The following BNC2 variants were observed in gnomAD, a reference collection of about 807,000 sequenced individuals.
BNC2 encodes the protein zinc finger protein basonuclin-2.
Under a neutral mutation model 76.3 loss-of-function variants are expected in BNC2, and 20 were observed. That is an observed-to-expected ratio of 0.26 (90% CI 0.18 to 0.38). The LOEUF (loss-of-function observed/expected upper bound fraction) is 0.38, where lower values mean the gene tolerates loss of function less well. Among genes scored for constraint, BNC2 ranks in the 10% least tolerant of loss-of-function variants. BNC2 has a pLI of 1.00. For missense variants in BNC2, 1,382 were observed against 1,399.8 expected, an observed-to-expected ratio of 0.99 and a Z score of 0.20; for synonymous variants, 582 against 514.8, an observed-to-expected ratio of 1.13 and a Z score of -1.77.
chr9:16,642,829 T>TAC (rs1821525728), intron 3 of BNC2, among the ~76,000 whole-genome samples: 2 of 152,188 alleles, frequency 1.3e-5, no homozygotes, highest in Non-Finnish European at 2.9e-5. Context: ...TAGGAGAAGG[T>TAC]ACAGTTAAGT....
At chr9:16,864,510 T>C (rs1819491847) in intron 1 of BNC2, among the ~76,000 whole-genome samples, 1 of 152,212 alleles carries the variant, frequency 6.6e-6, no homozygotes, top group South Asian at 2.1e-4. Flanking sequence ...AGGCAAATCT[T>C]GGCAACCCTC....
At chr9:16,486,788 G>A (rs1822172846) in intron 5 of BNC2, among the ~76,000 whole-genome samples, 1 of 151,980 alleles carries the variant, frequency 6.6e-6, no homozygotes, top group African/African-American at 2.4e-5. Flanking sequence ...TGCAGTGGTG[G>A]GATCACAGCT....
intron 3 of BNC2, among the ~76,000 whole-genome samples, chr9:16,658,702 T>C (rs868200791): frequency 6.6e-6 from 1 of 152,178 alleles, no homozygotes; most frequent in Non-Finnish European, 1.5e-5. Context: ...TTGGTCTGTC[T>C]CTTAAGGAAA....
chr9:16,499,075 T>G (rs987142062), intron 5 of BNC2, among the ~76,000 whole-genome samples: 6 of 152,190 alleles, frequency 3.9e-5, no homozygotes, highest in Admixed American at 1.3e-4. Context: ...CACAATGTAA[T>G]CAAATTCCCA....
intron 4 of BNC2, among the ~76,000 whole-genome samples, chr9:16,562,750 A>T (rs571213361): frequency 6.6e-6 from 1 of 152,302 alleles, no homozygotes; most frequent in South Asian, 2.1e-4. Flanking sequence ...ACTCTTACCT[A>T]ATTTTTTCCT....
intron 1 of BNC2, among the ~76,000 whole-genome samples, chr9:16,820,543 G>A (rs1331893299): frequency 6.6e-6 from 1 of 152,148 alleles, no homozygotes; most frequent in African/African-American, 2.4e-5. Flanking sequence ...CCACAACCAG[G>A]CTTAAATAAC....
intron 3 of BNC2, among the ~76,000 whole-genome samples, chr9:16,697,410 A>G (rs771039349): frequency 5.1e-4 from 77 of 151,182 alleles, no homozygotes; most frequent in Admixed American, 4.6e-4. Context: ...CAAGTTGTCA[A>G]CATATGCTGA....
chr9:16,522,262 T>C (rs1459814544), intron 5 of BNC2, among the ~76,000 whole-genome samples: 3 of 152,196 alleles, frequency 2.0e-5, no homozygotes, highest in African/African-American at 7.2e-5. Flanking sequence ...AAGCATAATG[T>C]TCTACAAGGA....
intron 3 of BNC2, among the ~76,000 whole-genome samples, chr9:16,687,318 C>T (rs183692729): frequency 2.6e-5 from 4 of 152,026 alleles, no homozygotes; most frequent in Admixed American, 1.3e-4. Flanking sequence ...AGGCGCTAAC[C>T]GAAATCAAGA....
chr9:16,446,017 A>T (rs1388819255), intron 5 of BNC2, among the ~76,000 whole-genome samples: 1 of 152,212 alleles, frequency 6.6e-6, no homozygotes, highest in Non-Finnish European at 1.5e-5. Context: ...TCCCATCAAG[A>T]TAAATAACTT....
chr9:16,504,707 C>A (rs933588751), intron 5 of BNC2, among the ~76,000 whole-genome samples: 5 of 152,160 alleles, frequency 3.3e-5, no homozygotes, highest in African/African-American at 1.2e-4. Context: ...ACCAGCCAGG[C>A]ACAGTAGGAC....
chr9:16,687,311 C>T (rs1043035716), intron 3 of BNC2, among the ~76,000 whole-genome samples: 1 of 151,988 alleles, frequency 6.6e-6, no homozygotes, highest in East Asian at 1.9e-4. Context: ...AGGAAAAAGG[C>T]GCTAACCGAA....
At position 16,852,604 on chromosome 9, in the gene BNC2, T is replaced by C. The variant is rs1422967628; in HGVS notation, c.3+18042A>G. On this transcript the variant is annotated intron_variant, in intron 1 of 6. Transcript: ENST00000380672. ...ATGGGGCTTCATGGTGGTGGGAAGA[T>C]AAACTACATGTAAATAAAAAAATTA... Among the ~76,000 whole-genome samples, 8 of 152,220 alleles carry C rather than the reference T, an allele frequency of 5.3e-5. No homozygotes were observed. In the East Asian group the frequency reaches 1.5e-3, roughly 29 times the overall value.
chr9:16,665,427 AG>A (rs1822250043), intron 3 of BNC2, among the ~76,000 whole-genome samples: 2 of 140,492 alleles, frequency 1.4e-5, no homozygotes, highest in South Asian at 2.3e-4. Flanking sequence ...AAGGAAAGAA[AG>A]GAAAGAAAAG....
chr9:16,471,744 C>T (rs933869325), intron 5 of BNC2, among the ~76,000 whole-genome samples: 1 of 152,140 alleles, frequency 6.6e-6, no homozygotes, highest in Non-Finnish European at 1.5e-5. Flanking sequence ...AATGTGAGGA[C>T]ATAAGATTTG....
chr9:16,659,916 G>A (rs1430793099), intron 3 of BNC2, among the ~76,000 whole-genome samples: 1 of 152,060 alleles, frequency 6.6e-6, no homozygotes, highest in South Asian at 2.1e-4. Flanking sequence ...ATCTCCAAGG[G>A]GAAAGGACTT....
At chr9:16,618,027 C>T (rs1820759805) in intron 3 of BNC2, among the ~76,000 whole-genome samples, 1 of 152,200 alleles carries the variant, frequency 6.6e-6, no homozygotes, top group Admixed American at 6.5e-5. Flanking sequence ...AAATGGAGCG[C>T]CACTTTACGG....
chr9:16,410,324 G>A lies in BNC2; in HGVS notation c.*8665C>T, dbSNP rs2118879025. 1 of 152,504 alleles carries A rather than the reference G, an allele frequency of 6.6e-6. No individual in the cohort carries two copies. Among genetic ancestry groups the A allele is most frequent in the East Asian group, 1.9e-4 (1 of 5,172 alleles). The allele number at this position is 152,504 out of a possible 1,614,324, so 9.4% of individuals were successfully genotyped here. On this transcript the variant is annotated 3_prime_UTR_variant, in exon 7 of 7. Transcript: ENST00000380672. ...CCTCACTTGGAAACCACCCACTGGTGTGTCAGTCATCCTCATACTGCTGAG... is the reference window on the plus strand; with the variant it reads ...CCTCACTTGGAAACCACCCACTGGTATGTCAGTCATCCTCATACTGCTGAG...
chr9:16,634,627 G>A (rs996489080), intron 3 of BNC2, among the ~76,000 whole-genome samples: 7 of 150,020 alleles, frequency 4.7e-5, no homozygotes, highest in African/African-American at 1.5e-4. Context: ...TCAGCCTTCC[G>A]AGTAGCTGGG....
Sources: allele counts gnomAD v4.1 joint callset (sites outside exome capture counted in the v4.1 genomes callset), GRCh38; gene constraint gnomAD v4.1.1; transcripts MANE v1.5; gene names NCBI Gene and HGNC (gene_info 2026-07-23, HGNC 2026-07-21).